The following UTRN variants were observed in gnomAD, a reference collection of about 807,000 sequenced individuals.
UTRN encodes the protein utrophin, also known as dystrophin-related protein 1.
Under a neutral mutation model 463.9 loss-of-function variants are expected in UTRN, and 283 were observed. The ratio of observed to expected loss-of-function variants is 0.61; its 90% CI spans 0.55 to 0.67. UTRN has a LOEUF of 0.67. Ranked by LOEUF, UTRN falls within the 30% of genes least tolerant of loss-of-function variation. UTRN has a pLI of 0.00. For missense variants in UTRN, 3,922 were observed against 4,084.3 expected (o/e 0.96, Z 1.08); for synonymous variants, 1,442 against 1,431.5 (o/e 1.01, Z -0.17).
At chr6:144,450,355 G>A (rs1006926806) in intron 17 of UTRN, among the ~76,000 whole-genome samples, 1 of 152,242 alleles carries the variant, frequency 6.6e-6, no homozygotes, top group East Asian at 1.9e-4. Flanking sequence ...TGTGAGTTCA[G>A]TACTCATTAT....
chr6:144,828,691 G>A (rs911744702), intron 68 of UTRN, 99 bp from the exon 69 acceptor site: 3 of 1,109,288 alleles, frequency 2.7e-6, no homozygotes, highest in Non-Finnish European at 4.0e-6. Flanking sequence ...TCTATGTTTT[G>A]TCAGAATTTT....
chr6:144,550,750 T>C (rs948774468), intron 47 of UTRN, among the ~76,000 whole-genome samples: 1 of 152,198 alleles, frequency 6.6e-6, no homozygotes, highest in Non-Finnish European at 1.5e-5. Context: ...TAAAGCTCCT[T>C]GCCTGGTGAC....
At position 144,369,706 on chromosome 6, in the gene UTRN, T is replaced by A. The variant is rs187133673; in HGVS notation, c.80-33417T>A. ...TGGTTGTGTCCCCACACAAATCTCA[T>A]CTTGAATTGTATCTCCCATAATTCC... On this transcript the variant is annotated intron_variant, in intron 2 of 74. Transcript: ENST00000367545. Among the ~76,000 whole-genome samples, 412 of 152,358 alleles carry A rather than the reference T, an allele frequency of 2.7e-3. 2 individuals are homozygous for A. The highest frequency in any genetic ancestry group is 8.9e-3 in the African/African-American group (371 of 41,588).
In UTRN at chr6:144,723,094, A is replaced by G. The variant is rs1586218590; in HGVS notation, c.7810-7263A>G. 1.3e-5 allele frequency among the ~76,000 whole-genome samples: 2 copies of G among 152,358 alleles called. 1 individual carries two copies. Among genetic ancestry groups the G allele is most frequent in the East Asian group, 3.9e-4 (2 of 5,192 alleles). Reference sequence around the variant, plus strand: ...TACCTCATGGGTGAGAATGTCACAAAATGAGGAAGACAGAGTGAATCCATA... The same window carrying G: ...TACCTCATGGGTGAGAATGTCACAAGATGAGGAAGACAGAGTGAATCCATA... On this transcript the variant is annotated intron_variant, in intron 53 of 74. Transcript: ENST00000367545.
chr6:144,320,386 T>C (rs1369010620), intron 2 of UTRN, among the ~76,000 whole-genome samples: 1 of 152,208 alleles, frequency 6.6e-6, no homozygotes, highest in Non-Finnish European at 1.5e-5. Flanking sequence ...TCCAGGCTGC[T>C]GATAGTGAGA....
intron 51 of UTRN, among the ~76,000 whole-genome samples, chr6:144,627,625 C>T (rs954373655): frequency 1.3e-5 from 2 of 152,126 alleles, no homozygotes; most frequent in Non-Finnish European, 2.9e-5. Flanking sequence ...TCCTCCTTCC[C>T]TCCAATCCCT....
intron 52 of UTRN, among the ~76,000 whole-genome samples, chr6:144,684,238 C>G (rs560829741): frequency 6.6e-6 from 1 of 151,802 alleles, no homozygotes; most frequent in Non-Finnish European, 1.5e-5. Context: ...TTAGTAGAGA[C>G]GAGGTTTCAT....
chr6:144,347,369 T>C (rs958724952), intron 2 of UTRN, among the ~76,000 whole-genome samples: 3 of 152,216 alleles, frequency 2.0e-5, no homozygotes, highest in African/African-American at 7.2e-5. Flanking sequence ...CGTCCCCCAC[T>C]AGACTGAAAG....
intron 51 of UTRN, among the ~76,000 whole-genome samples, chr6:144,589,884 C>T (rs563129435): frequency 1.3e-5 from 2 of 151,026 alleles, no homozygotes; most frequent in Non-Finnish European, 2.9e-5. Flanking sequence ...GAGACAGGGT[C>T]TCTGTCACAC....
At chr6:144,731,034 AT>A (rs926462823) in intron 54 of UTRN, among the ~76,000 whole-genome samples, 2 of 150,844 alleles carry the variant, frequency 1.3e-5, no homozygotes, top group Non-Finnish European at 3.0e-5. Flanking sequence ...AAAAATATAT[AT>A]TTCTTATATT....
intron 50 of UTRN, among the ~76,000 whole-genome samples, chr6:144,574,181 G>A (rs1208548278): frequency 6.6e-6 from 1 of 152,118 alleles, no homozygotes; most frequent in Non-Finnish European, 1.5e-5. Context: ...GAAAACTAGG[G>A]GATAAAGTTT....
At chr6:144,483,222 A>G (rs1194939743) in intron 27 of UTRN, among the ~76,000 whole-genome samples, 1 of 152,186 alleles carries the variant, frequency 6.6e-6, no homozygotes, top group Admixed American at 6.5e-5. Context: ...GCTAAGATAA[A>G]TATATATCAT....
intron 69 of UTRN, among the ~76,000 whole-genome samples, chr6:144,833,400 G>T (rs571645376): frequency 6.6e-6 from 1 of 152,102 alleles, no homozygotes; most frequent in African/African-American, 2.4e-5. Context: ...ATGATTTACT[G>T]TTTTATTTTG....
chr6:144,434,122 C>G (rs1040487487), intron 9 of UTRN, among the ~76,000 whole-genome samples: 1 of 152,210 alleles, frequency 6.6e-6, no homozygotes, highest in African/African-American at 2.4e-5. Flanking sequence ...TGGCGGATCA[C>G]TCGCGGTCAG....
intron 64 of UTRN, among the ~76,000 whole-genome samples, chr6:144,798,821 A>G (rs1205399911): frequency 6.6e-6 from 1 of 152,238 alleles, no homozygotes; most frequent in South Asian, 2.1e-4. Flanking sequence ...GGTTCACTTC[A>G]ACCTCTGCCT....
intron 2 of UTRN, among the ~76,000 whole-genome samples, chr6:144,334,322 G>GAT: frequency 6.6e-6 from 1 of 150,954 alleles, no homozygotes; most frequent in Non-Finnish European, 1.5e-5. Context: ...GTTTGGGGGG[G>GAT]GTGGGGGTGG....
intron 2 of UTRN, among the ~76,000 whole-genome samples, chr6:144,338,095 C>A (rs973674334): frequency 6.6e-6 from 1 of 152,186 alleles, no homozygotes; most frequent in African/African-American, 2.4e-5. Flanking sequence ...AATCACTCAG[C>A]CCATGAAGTA....
At chr6:144,656,698 T>TA (rs1390545261) in intron 51 of UTRN, among the ~76,000 whole-genome samples, 1 of 152,212 alleles carries the variant, frequency 6.6e-6, no homozygotes, top group African/African-American at 2.4e-5. Context: ...AAGAGTGCAA[T>TA]ACTTTTGAGT....
intron 63 of UTRN, among the ~76,000 whole-genome samples, chr6:144,794,318 G>C (rs73007420): frequency 0.025 from 3,781 of 152,036 alleles, 65 homozygotes; most frequent in Middle Eastern, 0.037. Context: ...TTATTTCCTT[G>C]ATTCCTGCCT....
Sources: allele counts gnomAD v4.1 joint callset (sites outside exome capture counted in the v4.1 genomes callset), GRCh38; gene constraint gnomAD v4.1.1; transcripts MANE v1.5; gene names NCBI Gene and HGNC (gene_info 2026-07-23, HGNC 2026-07-21).